Variants in SLC24A2 observed in about 807,000 individuals in gnomAD.
SLC24A2 encodes the protein solute carrier family 24 member 2, also known as sodium/potassium/calcium exchanger 2.
A neutral mutation model predicts 62.0 loss-of-function variants in SLC24A2; 36 were observed. That is an observed-to-expected ratio of 0.58 (90% CI 0.44 to 0.77). The LOEUF is 0.77. Ranked by LOEUF, SLC24A2 falls within the 30% of genes least tolerant of loss-of-function variation. SLC24A2 has a pLI of 0.00. For synonymous variants in SLC24A2, 358 were observed against 294.0 expected (o/e 1.22, Z -2.23); for missense variants, 846 against 817.9 (o/e 1.03, Z -0.42).
At chr9:20,058,948 GCA>G in the SLC24A2 span, among the ~76,000 whole-genome samples, 5 of 152,210 alleles carry the variant, frequency 3.3e-5, no homozygotes, top group East Asian at 9.6e-4. Context: ...TGTTGTAGTT[GCA>G]CACTCTTCTC....
intron 2 of SLC24A2, among the ~76,000 whole-genome samples, chr9:19,710,017 T>C (rs1820667267): frequency 6.6e-6 from 1 of 152,162 alleles, no homozygotes; most frequent in African/African-American, 2.4e-5. Context: ...TCAGAGGACT[T>C]TGGCAAAAGC....
chr9:20,163,929 A>G, the SLC24A2 span, among the ~76,000 whole-genome samples: 1 of 152,190 alleles, frequency 6.6e-6, no homozygotes, highest in African/African-American at 2.4e-5. Context: ...GGCTAGCCAT[A>G]TGGAGAAAGC....
At chr9:20,119,610 T>A in the SLC24A2 span, among the ~76,000 whole-genome samples, 1 of 152,202 alleles carries the variant, frequency 6.6e-6, no homozygotes, top group Non-Finnish European at 1.5e-5. Flanking sequence ...ACTTTCTCAA[T>A]CAGATAAAGA....
chr9:19,981,601 C>T, the SLC24A2 span, among the ~76,000 whole-genome samples: 1 of 152,090 alleles, frequency 6.6e-6, no homozygotes, highest in Non-Finnish European at 1.5e-5. Flanking sequence ...ACAAACAATT[C>T]CCACATGCAA....
At chr9:20,015,495 A>G in the SLC24A2 span, among the ~76,000 whole-genome samples, 2 of 152,200 alleles carry the variant, frequency 1.3e-5, no homozygotes, top group South Asian at 4.1e-4. Context: ...ACCTTCTGAG[A>G]GTAAATATGT....
At chr9:19,860,009 A>G in the SLC24A2 span, among the ~76,000 whole-genome samples, 1 of 152,154 alleles carries the variant, frequency 6.6e-6, no homozygotes, top group Admixed American at 6.5e-5. Context: ...AACTTAAAAC[A>G]TAGTCTAGGA....
At chr9:19,534,639 G>A (rs1368349941) in intron 8 of SLC24A2, among the ~76,000 whole-genome samples, 5 of 152,010 alleles carry the variant, frequency 3.3e-5, no homozygotes, top group African/African-American at 1.2e-4. Flanking sequence ...TTAGTTTGCT[G>A]ACAATGATAG....
chr9:19,837,276 C>T, the SLC24A2 span, among the ~76,000 whole-genome samples: 5 of 150,810 alleles, frequency 3.3e-5, no homozygotes, highest in African/African-American at 4.9e-5. Flanking sequence ...CAAGGTGAAA[C>T]CCCGTCTCTA....
At chr9:19,798,267 T>C in the SLC24A2 span, among the ~76,000 whole-genome samples, 1 of 152,226 alleles carries the variant, frequency 6.6e-6, no homozygotes, top group East Asian at 1.9e-4. Context: ...GATTTGTCAA[T>C]GTTAGTAGTA....
chr9:19,569,059 CCTTTT>C (rs1835760913), intron 7 of SLC24A2, among the ~76,000 whole-genome samples: 2 of 152,128 alleles, frequency 1.3e-5, no homozygotes, highest in African/African-American at 2.4e-5. Context: ...GCTTCTCATT[CCTTTT>C]CTTTTCCTTT....
the SLC24A2 span, among the ~76,000 whole-genome samples, chr9:20,018,450 G>A: frequency 6.6e-6 from 1 of 152,110 alleles, no homozygotes; most frequent in Non-Finnish European, 1.5e-5. Flanking sequence ...TCATCTCTAG[G>A]TGGAGATTAC....
the SLC24A2 span, among the ~76,000 whole-genome samples, chr9:20,006,841 G>C: frequency 6.6e-6 from 1 of 152,128 alleles, no homozygotes; most frequent in Non-Finnish European, 1.5e-5. Flanking sequence ...TCCTGTGTAA[G>C]TTGCTTAAGT....
chr9:19,838,202 A>T, the SLC24A2 span, among the ~76,000 whole-genome samples: 3 of 152,186 alleles, frequency 2.0e-5, no homozygotes, highest in South Asian at 2.1e-4. Context: ...AACAGCATGG[A>T]ACTGGTACCA....
chr9:19,975,033 A>C, the SLC24A2 span, among the ~76,000 whole-genome samples: 1 of 152,146 alleles, frequency 6.6e-6, no homozygotes, highest in Admixed American at 6.5e-5. Flanking sequence ...GTTTCCCATA[A>C]GTTTTTGTTG....
chr9:19,986,682 C>A, the SLC24A2 span, among the ~76,000 whole-genome samples: 1 of 152,058 alleles, frequency 6.6e-6, no homozygotes, highest in Non-Finnish European at 1.5e-5. Flanking sequence ...ATGAAAGAAG[C>A]AAGACATGAA....
the SLC24A2 span, among the ~76,000 whole-genome samples, chr9:20,108,136 A>G: frequency 8.9e-4 from 136 of 152,338 alleles, no homozygotes; most frequent in East Asian, 0.011. Flanking sequence ...ATGCAAATCA[A>G]ACCACAATGA....
the SLC24A2 span, among the ~76,000 whole-genome samples, chr9:20,213,215 G>A: frequency 1.3e-5 from 2 of 151,700 alleles, no homozygotes; most frequent in Non-Finnish European, 2.9e-5. Flanking sequence ...CCACCCATTT[G>A]GAAGTTTTAA....
At chr9:19,587,371 A>C (rs1836405956) in intron 5 of SLC24A2, among the ~76,000 whole-genome samples, 1 of 152,134 alleles carries the variant, frequency 6.6e-6, no homozygotes. Context: ...TATAGCATGT[A>C]TTGTCCCCTG....
chr9:19,573,891 A>C (rs908040770), intron 6 of SLC24A2, among the ~76,000 whole-genome samples: 4 of 152,134 alleles, frequency 2.6e-5, no homozygotes, highest in South Asian at 4.1e-4. Flanking sequence ...CGCAATCTAC[A>C]TACTATTGTT....
Sources: gnomAD v4.1 joint callset for allele counts (sites outside exome capture counted in the v4.1 genomes callset) on GRCh38, gnomAD v4.1.1 for gene constraint, MANE v1.5 for transcripts, NCBI Gene and HGNC (gene_info 2026-07-23, HGNC 2026-07-21) for gene names.